TIMP3: variants seen among roughly 807,000 people sequenced by gnomAD.
TIMP3 encodes TIMP metallopeptidase inhibitor 3.
A neutral mutation model predicts 30.0 loss-of-function variants in TIMP3; 11 were observed. The observed-to-expected ratio is 0.37, with a 90% CI of 0.23 to 0.61. The LOEUF (loss-of-function observed/expected upper bound fraction) is 0.61. Ranked by LOEUF, TIMP3 falls within the 20% of genes least tolerant of loss-of-function variation. The pLI, the probability that TIMP3 is intolerant of heterozygous loss-of-function variation, is 0.70. For missense variants in TIMP3, 181 were observed against 276.8 expected (o/e 0.65, Z 2.45); for synonymous variants, 112 against 111.3 (o/e 1.01, Z -0.04).
chr22:32,805,210 T>C (rs1307225761), intron 1 of TIMP3, among the ~76,000 whole-genome samples: 1 of 152,134 alleles, frequency 6.6e-6, no homozygotes, highest in African/African-American at 2.4e-5. Flanking sequence ...CCTCTGAGCC[T>C]GTTGGGAATT....
intron 2 of TIMP3, among the ~76,000 whole-genome samples, chr22:32,850,466 C>T (rs985969520): frequency 3.9e-5 from 6 of 152,158 alleles, no homozygotes; most frequent in African/African-American, 1.4e-4. Context: ...GCACAGAAGA[C>T]TGGGGCTTCA....
chr22:32,808,213 C>T (rs2046817940), intron 1 of TIMP3, among the ~76,000 whole-genome samples: 1 of 152,178 alleles, frequency 6.6e-6, no homozygotes, highest in African/African-American at 2.4e-5. Context: ...CTTACATGGA[C>T]TCAGGTTCAA....
At chr22:32,804,451 A>T (rs1243995017) in intron 1 of TIMP3, among the ~76,000 whole-genome samples, 2 of 152,178 alleles carry the variant, frequency 1.3e-5, no homozygotes, top group Non-Finnish European at 2.9e-5. Context: ...ACACAACCCC[A>T]CCAGTCAACT....
chr22:32,820,281 TGTGTGTG>T lies in TIMP3; in HGVS notation c.121+18167_121+18173del, dbSNP rs1480234846. Among the ~76,000 whole-genome samples the T allele has an allele frequency of 7.3e-5, 11 of 150,868 alleles. 1 individual carries two copies. In the East Asian group the frequency reaches 2.0e-3, roughly 27 times the overall value. On this transcript the variant is annotated intron_variant, in intron 1 of 4. Transcript: ENST00000266085. ...GTGTGTGCGTGCGCGTGTGTGTGTGTGTGTGTGGTGTGTGTGGTGTGTGTTCTACTCC... is the reference window on the plus strand; with the variant it reads ...GTGTGTGCGTGCGCGTGTGTGTGTGTGTGTGTGTGGTGTGTGTTCTACTCC...
rs138189319 is a variant in TIMP3, at chr22:32,836,856, G to A, written c.122-12596G>A. On this transcript the variant is annotated intron_variant, in intron 1 of 4. Transcript: ENST00000266085. The stretch of plus-strand genomic sequence containing the variant: ...GTTATAGATGTACCAGGGTCTCCTT[G>A]GCATCTGTGCTGTATAAAATCCATA... Among the ~76,000 whole-genome samples the A allele has an allele frequency of 1.6e-4, 25 of 152,284 alleles. No individual in the cohort carries two copies. The East Asian group carries it at 4.0e-3, about 25-fold the overall frequency.
intron 1 of TIMP3, among the ~76,000 whole-genome samples, chr22:32,809,141 AT>A (rs1033256369): frequency 6.6e-6 from 1 of 152,238 alleles, no homozygotes; most frequent in African/African-American, 2.4e-5. Context: ...CCTATCAGTC[AT>A]CCCAGCTGCC....
At chr22:32,809,196 G>A (rs2046844749) in intron 1 of TIMP3, among the ~76,000 whole-genome samples, 1 of 152,198 alleles carries the variant, frequency 6.6e-6, no homozygotes, top group Non-Finnish European at 1.5e-5. Flanking sequence ...GCTTGCCCAA[G>A]CTCACACCAC....
chr22:32,859,433 C>A lies in TIMP3; in HGVS notation c.*56C>A. 1 of 1,561,754 alleles carries A rather than the reference C, an allele frequency of 6.4e-7. No individual in the cohort carries two copies. The highest frequency in any genetic ancestry group is 1.8e-5 in the Admixed American group (1 of 55,014). On this transcript the variant is annotated 3_prime_UTR_variant, in exon 5 of 5. Coordinates refer to ENST00000266085, the MANE Select transcript of TIMP3 (RefSeq NM_000362.5). ...CCCTTCCCGCTGAGCTTCCCTTGGA[C>A]ACTAACTCTTCCCAGATGATGACAA...
At chr22:32,812,723 G>A (rs1213828423) in intron 1 of TIMP3, among the ~76,000 whole-genome samples, 2 of 152,212 alleles carry the variant, frequency 1.3e-5, no homozygotes, top group Non-Finnish European at 1.5e-5. Flanking sequence ...GAACACATGT[G>A]TGATCTGATG....
chr22:32,841,351 G>C (rs990629068), intron 1 of TIMP3, among the ~76,000 whole-genome samples: 7 of 152,298 alleles, frequency 4.6e-5, no homozygotes, highest in East Asian at 1.9e-4. Context: ...TTGCGAGGAG[G>C]GGGAGGAATG....
chr22:32,805,733 A>T (rs2046715925), intron 1 of TIMP3, among the ~76,000 whole-genome samples: 1 of 151,912 alleles, frequency 6.6e-6, no homozygotes, highest in South Asian at 2.1e-4. Context: ...CCAGTTGCTA[A>T]ATGATAAAGC....
intron 2 of TIMP3, among the ~76,000 whole-genome samples, chr22:32,855,976 T>C (rs1007066602): frequency 6.6e-6 from 1 of 152,222 alleles, no homozygotes; most frequent in Non-Finnish European, 1.5e-5. Context: ...ACGAACCCAA[T>C]GCTTTCACCA....
chr22:32,801,994 C>A lies in TIMP3; in HGVS notation c.-8C>A. On this transcript the variant is annotated 5_prime_UTR_variant, in exon 1 of 5. Coordinates refer to ENST00000266085, the MANE Select transcript of TIMP3 (RefSeq NM_000362.5). This position sits in a 1 kb window ranked among gnomAD's most constrained non-coding sequence, Gnocchi z 4.7. ...GCAGCAGCCCCGGCAGCGGCGGCAG[C>A]AGCGGCAATGACCCCTTGGCTCGGG... is the stretch of plus-strand genomic sequence containing the variant. 1 of 1,583,972 alleles carries A rather than the reference C, an allele frequency of 6.3e-7. No individual in the cohort carries two copies. The highest frequency in any genetic ancestry group is 8.5e-7 in the Non-Finnish European group (1 of 1,171,628).
At chr22:32,854,934 C>T (rs1014304702) in intron 2 of TIMP3, among the ~76,000 whole-genome samples, 2 of 152,298 alleles carry the variant, frequency 1.3e-5, no homozygotes, top group South Asian at 2.1e-4. Context: ...CACCTACCCC[C>T]GCCAACCAGT....
intron 1 of TIMP3, among the ~76,000 whole-genome samples, chr22:32,831,232 A>T (rs986788982): frequency 6.6e-6 from 1 of 151,902 alleles, no homozygotes; most frequent in Non-Finnish European, 1.5e-5. Flanking sequence ...TTTTTCTGAG[A>T]CTCTCAAAGA....
intron 1 of TIMP3, among the ~76,000 whole-genome samples, chr22:32,840,621 C>G (rs1280576713): frequency 1.3e-5 from 2 of 152,056 alleles, no homozygotes; most frequent in Non-Finnish European, 2.9e-5. Context: ...TCACTTCCAG[C>G]TGCTCTCCTT....
intron 2 of TIMP3, among the ~76,000 whole-genome samples, chr22:32,851,437 G>T (rs942475264): frequency 5.9e-5 from 9 of 152,086 alleles, no homozygotes; most frequent in Non-Finnish European, 1.3e-4. Flanking sequence ...ACGGGTGGTT[G>T]TTTAGAGACC....
At chr22:32,821,922 G>A (rs1055281906) in intron 1 of TIMP3, among the ~76,000 whole-genome samples, 9 of 152,108 alleles carry the variant, frequency 5.9e-5, no homozygotes, top group Non-Finnish European at 7.4e-5. Flanking sequence ...TTGGGAGGCC[G>A]AGGCAGGCGG....
chr22:32,822,940 C>G (rs868116715), intron 1 of TIMP3, among the ~76,000 whole-genome samples: 3 of 115,258 alleles, frequency 2.6e-5, no homozygotes, highest in Non-Finnish European at 5.6e-5. Flanking sequence ...AAAAAAAAAA[C>G]AGAGAGAGAG....
Sources: allele counts gnomAD v4.1 joint callset (sites outside exome capture counted in the v4.1 genomes callset), GRCh38; gene constraint gnomAD v4.1.1; non-coding constraint Gnocchi (gnomAD v3.1); transcripts MANE v1.5; gene names NCBI Gene and HGNC (gene_info 2026-07-23, HGNC 2026-07-21).